The following TAFA2 variants were observed in gnomAD, a reference collection of about 807,000 sequenced individuals.
The protein encoded by TAFA2 is chemokine-like protein TAFA-2.
In TAFA2, 7 loss-of-function variants were observed where a neutral mutation model predicts 18.8. The observed-to-expected ratio is 0.37, with a 90% CI of 0.21 to 0.70. The LOEUF is 0.70. Ranked by LOEUF, TAFA2 falls within the 30% of genes least tolerant of loss-of-function variation. The pLI is 0.53. For missense variants in TAFA2, 122 were observed against 158.1 expected, an observed-to-expected ratio of 0.77 and a Z score of 1.23; for synonymous variants, 60 against 54.2, an observed-to-expected ratio of 1.11 and a Z score of -0.47.
chr12:61,794,367 C>T (rs1238390679), intron 2 of TAFA2, among the ~76,000 whole-genome samples: 1 of 151,702 alleles, frequency 6.6e-6, no homozygotes, highest in Admixed American at 6.6e-5. Context: ...ATTTGTATAT[C>T]TATATATAAG....
chr12:61,923,398 G>C (rs543763597), intron 1 of TAFA2, among the ~76,000 whole-genome samples: 35 of 152,306 alleles, frequency 2.3e-4, no homozygotes, highest in African/African-American at 8.4e-4. Flanking sequence ...GAAGGAACAG[G>C]TAGCAATCTT....
chr12:61,776,525 G>A (rs1205833232), intron 2 of TAFA2: 1 of 151,864 alleles, frequency 6.6e-6, no homozygotes, highest in African/African-American at 2.4e-5. Flanking sequence ...AGAAGGAGGG[G>A]TCAGGTCTCC....
intron 1 of TAFA2, among the ~76,000 whole-genome samples, chr12:61,985,124 T>C (rs1172917020): frequency 6.6e-6 from 1 of 152,194 alleles, no homozygotes; most frequent in Non-Finnish European, 1.5e-5. Context: ...TGACAGACTA[T>C]GATATCTGAC....
At chr12:62,079,879 G>A (rs1223000181) in intron 1 of TAFA2, among the ~76,000 whole-genome samples, 2 of 152,076 alleles carry the variant, frequency 1.3e-5, no homozygotes, top group Non-Finnish European at 2.9e-5. Context: ...CTGCCACATC[G>A]CAAATTACGA....
At chr12:62,177,087 T>C (rs2062519418) in intron 1 of TAFA2, among the ~76,000 whole-genome samples, 1 of 152,256 alleles carries the variant, frequency 6.6e-6, no homozygotes, top group African/African-American at 2.4e-5. Context: ...GGTCAGGTTT[T>C]AAATTCTTTT....
At chr12:62,054,386 A>T (rs1215219485) in intron 1 of TAFA2, among the ~76,000 whole-genome samples, 1 of 152,210 alleles carries the variant, frequency 6.6e-6, no homozygotes, top group Non-Finnish European at 1.5e-5. Flanking sequence ...GAAACATTTC[A>T]AAATTAAAGT....
At chr12:61,921,025 G>T (rs75348867) in intron 1 of TAFA2, among the ~76,000 whole-genome samples, 3,208 of 152,246 alleles carry the variant, frequency 0.021, 128 homozygotes, top group African/African-American at 0.073. Flanking sequence ...AGAGGCCAGT[G>T]TGGCTGGAGT....
rs554851448 is a variant in TAFA2, at chr12:61,841,963, G to A, written c.106+25357C>T. Among the ~76,000 whole-genome samples the A allele has an allele frequency of 1.2e-4, 19 of 152,116 alleles. No homozygotes were observed. The South Asian group carries it at 3.9e-3, about 32-fold the overall frequency. On this transcript the variant is annotated intron_variant, in intron 2 of 4. Coordinates refer to ENST00000416284, the MANE Select transcript of TAFA2 (RefSeq NM_178539.5). The stretch of plus-strand genomic sequence containing the variant: ...ATGGAGAAAGATGGAAGACCAAATA[G>A]AGCCCAGACAAACCGTCATGATTGG...
At chr12:62,169,107 G>A (rs1225562333) in intron 1 of TAFA2, among the ~76,000 whole-genome samples, 2 of 152,104 alleles carry the variant, frequency 1.3e-5, no homozygotes, top group Non-Finnish European at 2.9e-5. Flanking sequence ...ATATTTTCTG[G>A]AAGAGTCATT....
chr12:62,143,055 A>G (rs1488070037), intron 1 of TAFA2, among the ~76,000 whole-genome samples: 1 of 152,210 alleles, frequency 6.6e-6, no homozygotes, highest in Non-Finnish European at 1.5e-5. Flanking sequence ...ACTATGCTAT[A>G]CAACCCCTCC....
intron 1 of TAFA2, among the ~76,000 whole-genome samples, chr12:61,930,425 G>A (rs772203026): frequency 7.2e-5 from 11 of 152,186 alleles, no homozygotes; most frequent in African/African-American, 1.9e-4. Context: ...TCAACACTTC[G>A]TAGTTGGCTC....
At chr12:62,095,979 G>T (rs984624990) in intron 1 of TAFA2, among the ~76,000 whole-genome samples, 5 of 152,028 alleles carry the variant, frequency 3.3e-5, no homozygotes, top group African/African-American at 9.7e-5. Context: ...GGTTCAAAAA[G>T]CAAACTTTTA....
chr12:61,777,577 C>T (rs1361001361), intron 2 of TAFA2, among the ~76,000 whole-genome samples: 1 of 151,654 alleles, frequency 6.6e-6, no homozygotes, highest in Non-Finnish European at 1.5e-5. Flanking sequence ...GTCAATAGAA[C>T]ACATAAATAG....
intron 2 of TAFA2, among the ~76,000 whole-genome samples, chr12:61,795,096 A>C (rs1034074775): frequency 6.6e-6 from 1 of 152,136 alleles, no homozygotes; most frequent in Non-Finnish European, 1.5e-5. Flanking sequence ...GCTGGAGAGG[A>C]TGTGGAGAAA....
At chr12:62,016,852 G>T (rs1035253199) in intron 1 of TAFA2, among the ~76,000 whole-genome samples, 1 of 152,198 alleles carries the variant, frequency 6.6e-6, no homozygotes, top group Admixed American at 6.5e-5. Context: ...CTCATCCTTT[G>T]CCCTTCGAGA....
intron 1 of TAFA2, among the ~76,000 whole-genome samples, chr12:62,108,448 G>T (rs116040142): frequency 1.3e-5 from 2 of 152,098 alleles, no homozygotes; most frequent in Non-Finnish European, 2.9e-5. Flanking sequence ...TGCATTAAAT[G>T]TACATGTGTA....
intron 4 of TAFA2, among the ~76,000 whole-genome samples, chr12:61,741,247 C>G (rs1000645606): frequency 6.7e-6 from 1 of 150,018 alleles, no homozygotes; most frequent in Non-Finnish European, 1.5e-5. Flanking sequence ...TCTCCCTTCC[C>G]CTGTCTCTCC....
At chr12:62,209,585 C>T (rs2062705351) in intron 1 of TAFA2, among the ~76,000 whole-genome samples, 1 of 152,192 alleles carries the variant, frequency 6.6e-6, no homozygotes, top group African/African-American at 2.4e-5. Flanking sequence ...TTAAGAGGAG[C>T]TTAGCTCAAA....
At chr12:61,890,868 C>G (rs370344493) in intron 1 of TAFA2, among the ~76,000 whole-genome samples, 2 of 152,098 alleles carry the variant, frequency 1.3e-5, no homozygotes, top group African/African-American at 4.8e-5. Flanking sequence ...TCCTCAACAT[C>G]GTAGCATAAG....
Sources: allele counts gnomAD v4.1 joint callset (sites outside exome capture counted in the v4.1 genomes callset), GRCh38; gene constraint gnomAD v4.1.1; transcripts MANE v1.5; gene names NCBI Gene and HGNC (gene_info 2026-07-23, HGNC 2026-07-21).